Variants in ADGRL2 observed in about 807,000 individuals in gnomAD.
The protein encoded by ADGRL2 is adhesion G protein-coupled receptor L2.
ADGRL2 carries 44 observed loss-of-function variants against 157.4 expected under a neutral mutation model. The observed-to-expected ratio is 0.28, with a 90% CI of 0.22 to 0.36. ADGRL2 has a LOEUF of 0.36. Among genes scored for constraint, ADGRL2 ranks in the 10% least tolerant of loss-of-function variants. The pLI, the probability that ADGRL2 is intolerant of heterozygous loss-of-function variation, is 1.00. For missense variants in ADGRL2, 1,510 were observed against 1,768.9 expected (o/e 0.85, Z 2.63); for synonymous variants, 585 against 624.7 (o/e 0.94, Z 0.95).
At chr1:81,942,102 C>G (rs909340230) in intron 5 of ADGRL2, 57 bp downstream of exon 5, 1 of 680,976 alleles carries the variant, frequency 1.5e-6, no homozygotes, top group Non-Finnish European at 2.7e-6. Flanking sequence ...TGGATGTTAA[C>G]CTCCTCCCTC....
At chr1:81,470,248 A>G (rs901786762) in intron 2 of ADGRL2, among the ~76,000 whole-genome samples, 2 of 152,166 alleles carry the variant, frequency 1.3e-5, no homozygotes, top group African/African-American at 4.8e-5. Flanking sequence ...CAAATTATGT[A>G]CTTATTTGAA....
chr1:81,336,870 CCT>C (rs1326223018), intron 1 of ADGRL2, among the ~76,000 whole-genome samples: 2 of 152,148 alleles, frequency 1.3e-5, no homozygotes, highest in Admixed American at 1.3e-4. Context: ...CCTGGCCTGC[CCT>C]GTCTCCCATC....
chr1:81,722,431 G>A, intron 1 of ADGRL2: 4 of 1,120,736 alleles, frequency 3.6e-6, no homozygotes, highest in Non-Finnish European at 4.0e-6. Context: ...AGCTGAATTT[G>A]CGCTTGGCCG....
chr1:81,953,539 T>C (rs966840083), intron 10 of ADGRL2, among the ~76,000 whole-genome samples: 1 of 152,152 alleles, frequency 6.6e-6, no homozygotes, highest in African/African-American at 2.4e-5. Flanking sequence ...GAAATATGAA[T>C]ATAATTTGAC....
chr1:81,766,242 A>AAT (rs2086112274), intron 2 of ADGRL2, among the ~76,000 whole-genome samples: 1 of 152,126 alleles, frequency 6.6e-6, no homozygotes, highest in Non-Finnish European at 1.5e-5. Flanking sequence ...CAGTTAGTTG[A>AAT]ATATGTTATC....
At chr1:81,729,981 C>T (rs1279942831) in intron 1 of ADGRL2, among the ~76,000 whole-genome samples, 2 of 152,196 alleles carry the variant, frequency 1.3e-5, no homozygotes, top group Non-Finnish European at 2.9e-5. Flanking sequence ...ATAGTTTCAC[C>T]ATGGTTCAGA....
intron 3 of ADGRL2, among the ~76,000 whole-genome samples, chr1:81,653,604 A>T (rs2082468384): frequency 6.6e-6 from 1 of 152,228 alleles, no homozygotes; most frequent in African/African-American, 2.4e-5. Flanking sequence ...GAGGGTAATC[A>T]AAAACATCCA....
rs192718142 is a variant in ADGRL2, at chr1:81,794,277, G to A, written c.-101+32425G>A. On this transcript the variant is annotated intron_variant, in intron 2 of 20. Coordinates refer to the ADGRL2 transcript ENST00000359929. ...TACTAATTAAGTTGCCGTCATTTTC[G>A]GGACAACTAAAGTTGCCCCCATAAT... Among the ~76,000 whole-genome samples, 365 of 152,144 alleles carry A rather than the reference G, an allele frequency of 2.4e-3. 1 individual carries two copies. Among genetic ancestry groups the A allele is most frequent in the African/African-American group, 8.6e-3 (358 of 41,520 alleles).
intron 6 of ADGRL2, among the ~76,000 whole-genome samples, chr1:81,947,258 T>C (rs1444921752): frequency 6.6e-6 from 1 of 152,188 alleles, no homozygotes; most frequent in Non-Finnish European, 1.5e-5. Context: ...CATGTTTCAT[T>C]ATGGAACTTC....
intron 3 of ADGRL2, among the ~76,000 whole-genome samples, chr1:81,913,151 C>T (rs1191714530): frequency 1.3e-5 from 2 of 152,156 alleles, no homozygotes; most frequent in African/African-American, 2.4e-5. Context: ...ATACCCCATT[C>T]GGTAACTTTT....
At position 81,556,312 on chromosome 1, in the gene ADGRL2, A is replaced by ATTTTTTTTT. The variant is rs145670261; in HGVS notation, c.-247-24548_-247-24540dup. On this transcript the variant is annotated intron_variant, in intron 2 of 24. Coordinates refer to the ADGRL2 transcript ENST00000370721. ...ATCCCCCGATTCTCAGGCTGTCACA[A>ATTTTTTTTT]TTTTTTTTTTTTTTTTTTTTTTTTG... Among the ~76,000 whole-genome samples the ATTTTTTTTT allele has an allele frequency of 1.7e-4, 15 of 87,122 alleles. 1 individual carries two copies. The highest frequency in any genetic ancestry group is 1.1e-3 in the East Asian group (3 of 2,714). The allele number at this position is 87,122 out of a possible 152,430, so 57.2% of individuals were successfully genotyped here.
At chr1:81,893,787 A>T (rs2094322661) in intron 2 of ADGRL2, among the ~76,000 whole-genome samples, 1 of 152,214 alleles carries the variant, frequency 6.6e-6, no homozygotes, top group Admixed American at 6.5e-5. Context: ...TTGTAACTTT[A>T]CAATGTTAAA....
At chr1:81,623,236 C>A (rs1226581225) in intron 3 of ADGRL2, among the ~76,000 whole-genome samples, 1 of 152,102 alleles carries the variant, frequency 6.6e-6, no homozygotes, top group African/African-American at 2.4e-5. Flanking sequence ...AGGGGAGATG[C>A]AGTAACAATG....
chr1:81,412,129 C>T lies in ADGRL2; in HGVS notation c.-301-32907C>T, dbSNP rs1042551213. Among the ~76,000 whole-genome samples, 9 of 152,046 alleles carry T rather than the reference C, an allele frequency of 5.9e-5. No individual in the cohort carries two copies. In the South Asian group the frequency reaches 6.2e-4, roughly 11 times the overall value. Reference sequence around the variant, plus strand: ...CTATAAGATATACAGTTACTATCCCCGGTTGAAGAAAGGGAAACTGATGCA... The same window carrying T: ...CTATAAGATATACAGTTACTATCCCTGGTTGAAGAAAGGGAAACTGATGCA... On this transcript the variant is annotated intron_variant, in intron 1 of 24. Transcript: ENST00000370721.
At chr1:81,719,577 T>C (rs1323182105) in intron 1 of ADGRL2, among the ~76,000 whole-genome samples, 1 of 152,170 alleles carries the variant, frequency 6.6e-6, no homozygotes, top group South Asian at 2.1e-4. Flanking sequence ...TTTAATCTTT[T>C]CTCCCAAGCC....
At chr1:81,738,021 T>C (rs752455559) in intron 1 of ADGRL2, among the ~76,000 whole-genome samples, 2 of 152,110 alleles carry the variant, frequency 1.3e-5, no homozygotes, top group African/African-American at 2.4e-5. Context: ...TTTGATAGAG[T>C]GTGGTAGGAC....
At chr1:81,906,542 A>G (rs981327045) in intron 2 of ADGRL2, among the ~76,000 whole-genome samples, 1 of 152,064 alleles carries the variant, frequency 6.6e-6, no homozygotes, top group Non-Finnish European at 1.5e-5. Context: ...TATTGTGGGG[A>G]AAAAACTGCT....
chr1:81,822,046 A>G (rs2091035252), intron 1 of ADGRL2, among the ~76,000 whole-genome samples: 1 of 7,342 alleles, frequency 1.4e-4, no homozygotes, highest in African/African-American at 7.8e-4. Context: ...TTTTTTTTGC[A>G]AAGCATAGCT....
intron 2 of ADGRL2, among the ~76,000 whole-genome samples, chr1:81,552,307 C>T (rs1399976154): frequency 1.3e-5 from 2 of 152,066 alleles, no homozygotes; most frequent in African/African-American, 4.8e-5. Flanking sequence ...GGCTGATTCT[C>T]ATGAGGTTTC....
Sources: allele counts gnomAD v4.1 joint callset (sites outside exome capture counted in the v4.1 genomes callset), GRCh38; gene constraint gnomAD v4.1.1; transcripts MANE v1.5; gene names NCBI Gene and HGNC (gene_info 2026-07-23, HGNC 2026-07-21).